Variants in LRRIQ3 observed in about 807,000 individuals in gnomAD.
LRRIQ3 encodes the protein leucine-rich repeat and IQ domain-containing protein 3.
LRRIQ3 carries 75 observed loss-of-function variants against 59.3 expected under a neutral mutation model. The observed-to-expected ratio is 1.26, with a 90% CI of 1.05 to 1.53. The LOEUF is 1.53. Among genes scored for constraint, LRRIQ3 ranks in the 40% most tolerant of loss-of-function variants. LRRIQ3 has a pLI of 0.00. For missense variants in LRRIQ3, 831 were observed against 710.0 expected, an observed-to-expected ratio of 1.17 and a Z score of -1.94; for synonymous variants, 250 against 231.3, an observed-to-expected ratio of 1.08 and a Z score of -0.73.
intron 3 of LRRIQ3, among the ~76,000 whole-genome samples, chr1:74,179,158 T>A (rs1397935005): frequency 6.6e-6 from 1 of 152,068 alleles, no homozygotes; most frequent in African/African-American, 2.4e-5. Context: ...GTTACATATA[T>A]ACAACAATCA....
At chr1:74,093,478 T>A (rs1056182256) in intron 5 of LRRIQ3, among the ~76,000 whole-genome samples, 4 of 152,086 alleles carry the variant, frequency 2.6e-5, no homozygotes, top group African/African-American at 9.7e-5. Flanking sequence ...ATATGCTAGG[T>A]ATGTATAAGG....
intron 5 of LRRIQ3, among the ~76,000 whole-genome samples, chr1:74,075,365 GA>G (rs1377611935): frequency 6.6e-6 from 1 of 151,980 alleles, no homozygotes; most frequent in Non-Finnish European, 1.5e-5. Flanking sequence ...TTAGGAGTTC[GA>G]GCCCAGCCTG....
At chr1:74,108,615 G>C (rs1361654171) in intron 5 of LRRIQ3, among the ~76,000 whole-genome samples, 1 of 151,716 alleles carries the variant, frequency 6.6e-6, no homozygotes, top group Non-Finnish European at 1.5e-5. Context: ...CTCAAGCAGA[G>C]AGCCACACAT....
At chr1:74,136,160 CTAAT>C (rs1477870169) in intron 4 of LRRIQ3, among the ~76,000 whole-genome samples, 2 of 151,834 alleles carry the variant, frequency 1.3e-5, no homozygotes, top group Non-Finnish European at 2.9e-5. Flanking sequence ...TTAAAAGACA[CTAAT>C]TACCAAAACT....
intron 5 of LRRIQ3, among the ~76,000 whole-genome samples, chr1:74,087,521 T>C (rs956136745): frequency 2.0e-5 from 3 of 151,220 alleles, no homozygotes; most frequent in Non-Finnish European, 4.4e-5. Flanking sequence ...TAAAATGCTA[T>C]TTCATAAAAA....
chr1:74,065,939 C>A (rs1233829062), intron 6 of LRRIQ3, among the ~76,000 whole-genome samples: 1 of 152,056 alleles, frequency 6.6e-6, no homozygotes, highest in Admixed American at 6.6e-5. Context: ...GTAATCCCAG[C>A]ACTTTGGGAG....
chr1:74,034,002 C>A (rs1569998315), intron 7 of LRRIQ3, among the ~76,000 whole-genome samples: 1 of 151,948 alleles, frequency 6.6e-6, no homozygotes, highest in East Asian at 1.9e-4. Context: ...CAAAGTCTAT[C>A]TTTAATTAAT....
At chr1:74,192,584 T>C (rs1305190468) in intron 1 of LRRIQ3, among the ~76,000 whole-genome samples, 1 of 152,154 alleles carries the variant, frequency 6.6e-6, no homozygotes, top group African/African-American at 2.4e-5. Context: ...TTATAAGCAG[T>C]CTTCCCCATA....
intron 4 of LRRIQ3, among the ~76,000 whole-genome samples, chr1:74,115,011 T>C (rs142784176): frequency 9.2e-5 from 14 of 152,172 alleles, no homozygotes; most frequent in African/African-American, 3.1e-4. Context: ...ATTTTCATTT[T>C]CTTTCTAAAA....
At chr1:74,113,906 A>C (rs1217632543) in intron 4 of LRRIQ3, among the ~76,000 whole-genome samples, 3 of 151,778 alleles carry the variant, frequency 2.0e-5, no homozygotes, top group African/African-American at 7.2e-5. Flanking sequence ...TCTCTTAACT[A>C]ATTGAAAAAG....
intron 4 of LRRIQ3, among the ~76,000 whole-genome samples, chr1:74,113,980 T>TAC (rs972990055): frequency 6.6e-6 from 1 of 151,640 alleles, no homozygotes; most frequent in Non-Finnish European, 1.5e-5. Flanking sequence ...TCTATATATA[T>TAC]ACACACAACT....
chr1:74,059,566 A>G (rs573997987), intron 6 of LRRIQ3, among the ~76,000 whole-genome samples: 128 of 152,188 alleles, frequency 8.4e-4, no homozygotes, highest in African/African-American at 3.1e-3. Flanking sequence ...AATGTCTTTC[A>G]TTATGCCAGT....
At chr1:74,184,344 A>G (rs964845358) in intron 1 of LRRIQ3, among the ~76,000 whole-genome samples, 5 of 152,132 alleles carry the variant, frequency 3.3e-5, no homozygotes, top group Non-Finnish European at 5.9e-5. Context: ...TTTACACAGT[A>G]TTTCTCATAT....
chr1:74,191,835 A>T (rs937370492), intron 1 of LRRIQ3, among the ~76,000 whole-genome samples: 5 of 152,172 alleles, frequency 3.3e-5, no homozygotes, highest in African/African-American at 1.2e-4. Flanking sequence ...AAGAGCAAAG[A>T]TCTAAAATGA....
chr1:74,086,625 T>C (rs1484848173), intron 5 of LRRIQ3, among the ~76,000 whole-genome samples: 1 of 152,124 alleles, frequency 6.6e-6, no homozygotes, highest in Non-Finnish European at 1.5e-5. Context: ...GTTTAAGTTT[T>C]AATATGAGTA....
chr1:74,084,161 T>C, intron 5 of LRRIQ3: 1 of 1,545,492 alleles, frequency 6.5e-7, no homozygotes, highest in Non-Finnish European at 8.7e-7. Flanking sequence ...TGATGAGAGA[T>C]GAATACACAC....
intron 3 of LRRIQ3, among the ~76,000 whole-genome samples, chr1:74,165,872 A>T (rs1020289159): frequency 6.6e-6 from 1 of 151,682 alleles, no homozygotes; most frequent in East Asian, 1.9e-4. Context: ...GATTGCATTT[A>T]TTGGTTTAGA....
At chr1:74,183,995 A>G (rs1445454621) in intron 1 of LRRIQ3, among the ~76,000 whole-genome samples, 2 of 151,652 alleles carry the variant, frequency 1.3e-5, no homozygotes, top group African/African-American at 4.8e-5. Context: ...CATCCCTTCT[A>G]GACAAGACAA....
intron 5 of LRRIQ3, among the ~76,000 whole-genome samples, chr1:74,097,775 T>A (rs1268360659): frequency 6.6e-6 from 1 of 152,162 alleles, no homozygotes; most frequent in Non-Finnish European, 1.5e-5. Context: ...AAAAGAATTT[T>A]CAACCCAGAA....
Sources: allele counts gnomAD v4.1 joint callset (sites outside exome capture counted in the v4.1 genomes callset), GRCh38; gene constraint gnomAD v4.1.1; transcripts MANE v1.5; gene names NCBI Gene and HGNC (gene_info 2026-07-23, HGNC 2026-07-21).